ABCD3: variants seen among roughly 807,000 people sequenced by gnomAD.
ABCD3 encodes ATP-binding cassette sub-family D member 3.
ABCD3 carries 41 observed loss-of-function variants against 105.5 expected under a neutral mutation model. That is an observed-to-expected ratio of 0.39 (90% CI 0.30 to 0.50). The LOEUF is 0.50. ABCD3 is among the 20% of genes least tolerant of loss of function. ABCD3 has a pLI of 0.84. For missense variants in ABCD3, 622 were observed against 806.3 expected, an observed-to-expected ratio of 0.77 and a Z score of 2.77; for synonymous variants, 258 against 269.0, an observed-to-expected ratio of 0.96 and a Z score of 0.40.
the ABCD3 span, among the ~76,000 whole-genome samples, chr1:94,391,518 C>T: frequency 9.2e-5 from 14 of 152,150 alleles, no homozygotes; most frequent in Admixed American, 8.5e-4. Flanking sequence ...ATTCCAGGTC[C>T]TGTCATCCCC....
At chr1:94,464,557 G>A (rs1024723378) in intron 2 of ABCD3, among the ~76,000 whole-genome samples, 5 of 151,726 alleles carry the variant, frequency 3.3e-5, no homozygotes, top group Admixed American at 3.3e-4. Context: ...ATAATTGTGT[G>A]GTTCCAGAAC....
intron 16 of ABCD3, among the ~76,000 whole-genome samples, chr1:94,497,704 GCTTA>G (rs1649889242): frequency 6.6e-6 from 1 of 152,158 alleles, no homozygotes. Flanking sequence ...CAGAAACATT[GCTTA>G]CTGTTACATA....
intron 22 of ABCD3, among the ~76,000 whole-genome samples, chr1:94,516,173 G>A (rs1324622338): frequency 6.6e-6 from 1 of 151,838 alleles, no homozygotes; most frequent in Non-Finnish European, 1.5e-5. Flanking sequence ...CTGGGTTCAG[G>A]CACCAAAGTT....
chr1:94,430,863 A>G (rs1659645893), intron 1 of ABCD3, among the ~76,000 whole-genome samples: 1 of 152,206 alleles, frequency 6.6e-6, no homozygotes, highest in Non-Finnish European at 1.5e-5. Flanking sequence ...ACATTTTTGC[A>G]TTATCAAAGT....
At chr1:94,463,470 A>T (rs1647975616) in intron 2 of ABCD3, among the ~76,000 whole-genome samples, 1 of 152,220 alleles carries the variant, frequency 6.6e-6, no homozygotes. Context: ...TAATCAAAGC[A>T]CATTTACATT....
the ABCD3 span, among the ~76,000 whole-genome samples, chr1:94,403,859 C>G: frequency 6.6e-6 from 1 of 152,066 alleles, no homozygotes; most frequent in Non-Finnish European, 1.5e-5. Flanking sequence ...TTTGAGGAGC[C>G]CTTGTTCCTT....
chr1:94,468,098 A>G (rs1221620412), intron 4 of ABCD3, 91 bp downstream of exon 4: 7 of 944,354 alleles, frequency 7.4e-6, no homozygotes, highest in Non-Finnish European at 1.2e-5. Context: ...AATAGATTCT[A>G]AGTTAGGTAA....
At chr1:94,428,092 TA>T (rs1400852222) in intron 1 of ABCD3, among the ~76,000 whole-genome samples, 3 of 152,118 alleles carry the variant, frequency 2.0e-5, no homozygotes, top group African/African-American at 4.8e-5. Flanking sequence ...TTTTATTTTT[TA>T]TTTTTTTGCC....
At chr1:94,450,721 G>C (rs751371528) in intron 1 of ABCD3, among the ~76,000 whole-genome samples, 4 of 152,098 alleles carry the variant, frequency 2.6e-5, no homozygotes, top group Non-Finnish European at 4.4e-5. Flanking sequence ...CTATATTTCT[G>C]TGTGTGTGTG....
chr1:94,423,578 A>G (rs1049323129), intron 1 of ABCD3, among the ~76,000 whole-genome samples: 14 of 152,222 alleles, frequency 9.2e-5, no homozygotes, highest in Admixed American at 8.5e-4. Context: ...CTAAAGAATC[A>G]ATCACAAAGC....
intron 20 of ABCD3, among the ~76,000 whole-genome samples, chr1:94,501,265 GAA>G (rs4148065): frequency 1.6e-4 from 10 of 61,968 alleles, no homozygotes; most frequent in African/African-American, 2.2e-4. Context: ...TGTCTCAAAA[GAA>G]AAAAAAAAAA....
At chr1:94,428,947 A>G (rs1659573466) in intron 1 of ABCD3, among the ~76,000 whole-genome samples, 1 of 152,190 alleles carries the variant, frequency 6.6e-6, no homozygotes, top group South Asian at 2.1e-4. Flanking sequence ...AGAAGAAGAT[A>G]GGAAAATGTG....
intron 1 of ABCD3, among the ~76,000 whole-genome samples, chr1:94,431,117 AAATACTGCATAT>A (rs2100887064): frequency 6.6e-6 from 1 of 152,372 alleles, no homozygotes; most frequent in African/African-American, 2.4e-5. Flanking sequence ...TTGCCTATAA[AAATACTGCATAT>A]CAGCTTGCAT....
intron 22 of ABCD3, among the ~76,000 whole-genome samples, 154 bp downstream of exon 22, chr1:94,515,356 T>G (rs1426444962): frequency 1.3e-5 from 2 of 152,054 alleles, no homozygotes; most frequent in Non-Finnish European, 2.9e-5. Context: ...TAGGATTTTC[T>G]TAAATATTAT....
the ABCD3 span, among the ~76,000 whole-genome samples, chr1:94,394,787 G>A: frequency 6.6e-6 from 1 of 152,154 alleles, no homozygotes; most frequent in Non-Finnish European, 1.5e-5. Flanking sequence ...GCATTTAATT[G>A]ACACTGCAGC....
chr1:94,416,460 C>T (rs1464768879), upstream of ABCD3, among the ~76,000 whole-genome samples: 1 of 152,128 alleles, frequency 6.6e-6, no homozygotes, highest in Non-Finnish European at 1.5e-5. Flanking sequence ...AGAATATGAT[C>T]TCCATGATCT....
Position 94,489,797 on chromosome 1 carries a change from G to C in ABCD3, c.1230G>C (p.Met410Ile). The change falls in exon 14 of 23, where the codon ATG (methionine) becomes ATC (isoleucine). Residue 410 changes from methionine to isoleucine, a missense_variant. Met to Ile is a conservative substitution (Grantham distance 10). Transcript: ENST00000370214. ...DLNHGKYERT[M>I]VSQQEKGIEG... ...ATCATGGCAAATATGAGCGCACAAT[G>C]GTCTCACAACAGGAAAAGGGTAAAT... 1 of 1,613,098 alleles carries C rather than the reference G, an allele frequency of 6.2e-7. No individual in the cohort carries two copies. The highest frequency in any genetic ancestry group is 8.5e-7 in the Non-Finnish European group (1 of 1,179,396).
intron 2 of ABCD3, among the ~76,000 whole-genome samples, chr1:94,461,459 A>T (rs1647864613): frequency 6.6e-6 from 1 of 151,704 alleles, no homozygotes; most frequent in Non-Finnish European, 1.5e-5. Context: ...GTATTTTGGC[A>T]TGTGTGTGTA....
chr1:94,420,773 A>G (rs1393034784), intron 1 of ABCD3, among the ~76,000 whole-genome samples: 1 of 152,150 alleles, frequency 6.6e-6, no homozygotes, highest in African/African-American at 2.4e-5. Flanking sequence ...CTAACTTTAT[A>G]TTTGAGTGGG....
Sources: allele counts gnomAD v4.1 joint callset (sites outside exome capture counted in the v4.1 genomes callset), GRCh38; gene constraint gnomAD v4.1.1; transcripts MANE v1.5; gene names NCBI Gene and HGNC (gene_info 2026-07-23, HGNC 2026-07-21).